The following DTNB variants were observed in gnomAD, a reference collection of about 807,000 sequenced individuals.
DTNB encodes the protein dystrobrevin beta.
DTNB carries 63 observed loss-of-function variants against 90.7 expected under a neutral mutation model. That is an observed-to-expected ratio of 0.69 (90% CI 0.57 to 0.86). The LOEUF (loss-of-function observed/expected upper bound fraction) is 0.86, where lower values mean the gene tolerates loss of function less well. DTNB is among the 40% of genes least tolerant of loss of function. The pLI is 0.00. For missense variants in DTNB, 744 were observed against 807.1 expected, an observed-to-expected ratio of 0.92 and a Z score of 0.95; for synonymous variants, 277 against 286.7, an observed-to-expected ratio of 0.97 and a Z score of 0.34.
intron 2 of DTNB, among the ~76,000 whole-genome samples, chr2:25,648,692 T>C (rs1198444023): frequency 2.0e-5 from 3 of 152,132 alleles, no homozygotes; most frequent in Admixed American, 6.5e-5. Context: ...CCTAAAATAT[T>C]TACTTTCTGG....
intron 9 of DTNB, among the ~76,000 whole-genome samples, chr2:25,499,786 C>A (rs2070018779): frequency 6.6e-6 from 1 of 152,220 alleles, no homozygotes; most frequent in Admixed American, 6.5e-5. Flanking sequence ...ATTGCATTCA[C>A]AATGTGTACT....
chr2:25,580,989 C>T (rs367758358), intron 6 of DTNB, among the ~76,000 whole-genome samples, 163 bp from the exon 7 acceptor site: 3 of 152,186 alleles, frequency 2.0e-5, no homozygotes, highest in African/African-American at 7.2e-5. Flanking sequence ...ACATGCTGTA[C>T]TTTACACTAC....
At chr2:25,485,642 A>G (rs2065958602) in intron 9 of DTNB, among the ~76,000 whole-genome samples, 1 of 152,192 alleles carries the variant, frequency 6.6e-6, no homozygotes, top group Admixed American at 6.5e-5. Flanking sequence ...TTTGCTAGAA[A>G]GACAGGTATA....
intron 16 of DTNB, among the ~76,000 whole-genome samples, chr2:25,389,487 G>A (rs1305540278): frequency 1.3e-5 from 2 of 152,218 alleles, no homozygotes; most frequent in African/African-American, 4.8e-5. Flanking sequence ...GTATAGTTGT[G>A]GAGAAAGTTT....
intron 6 of DTNB, among the ~76,000 whole-genome samples, chr2:25,581,108 T>G (rs1292641104): frequency 3.3e-5 from 5 of 151,952 alleles, no homozygotes. Context: ...GATAAGCAAA[T>G]AAACCATTTA....
intron 16 of DTNB, among the ~76,000 whole-genome samples, chr2:25,395,960 C>T (rs1332748436): frequency 3.9e-5 from 6 of 152,166 alleles, no homozygotes; most frequent in Non-Finnish European, 7.4e-5. Context: ...TATTCCCTCC[C>T]TCCCTCCTGA....
intron 8 of DTNB, among the ~76,000 whole-genome samples, chr2:25,540,773 G>GCGGAAGGCC (rs2081046112): frequency 6.6e-6 from 1 of 152,092 alleles, no homozygotes; most frequent in Non-Finnish European, 1.5e-5. Context: ...AACATATGCT[G>GCGGAAGGCC]TGTCCACTCA....
intron 8 of DTNB, among the ~76,000 whole-genome samples, chr2:25,541,589 C>A (rs1018081187): frequency 6.6e-6 from 1 of 152,136 alleles, no homozygotes; most frequent in African/African-American, 2.4e-5. Flanking sequence ...ATCTCAGGAA[C>A]GCTTCATCTC....
intron 8 of DTNB, among the ~76,000 whole-genome samples, chr2:25,563,531 G>A (rs2058560537): frequency 6.6e-6 from 1 of 152,126 alleles, no homozygotes; most frequent in African/African-American, 2.4e-5. Flanking sequence ...CTAACTCAAG[G>A]TCATAAAGAC....
intron 14 of DTNB, among the ~76,000 whole-genome samples, chr2:25,429,650 G>A (rs2053184885): frequency 6.6e-6 from 1 of 152,114 alleles, no homozygotes; most frequent in Non-Finnish European, 1.5e-5. Flanking sequence ...TTGAGGTCAG[G>A]GGATGGGCCT....
chr2:25,583,527 T>C (rs1384822709), intron 6 of DTNB, among the ~76,000 whole-genome samples: 1 of 151,902 alleles, frequency 6.6e-6, no homozygotes, highest in African/African-American at 2.4e-5. Context: ...TTTGTTGTTG[T>C]TGTTTTTTGA....
rs545971266 is a variant in DTNB, at chr2:25,419,501, C to T, written c.1575+14G>A. ...GGAGCGAGAGTCCGGCGGGAAATTCCGAAGTTCACTTACTGCCTGCTTTTG... is the reference window on the plus strand; with the variant it reads ...GGAGCGAGAGTCCGGCGGGAAATTCTGAAGTTCACTTACTGCCTGCTTTTG... On this transcript the variant is annotated intron_variant, in intron 16 of 20. Transcript: ENST00000406818. The T allele has an allele frequency of 1.4e-5, 22 of 1,558,548 alleles. No homozygotes were observed. Among genetic ancestry groups the T allele is most frequent in the African/African-American group, 8.2e-5 (6 of 73,360 alleles).
intron 5 of DTNB, among the ~76,000 whole-genome samples, chr2:25,602,620 T>C (rs1328365316): frequency 1.3e-5 from 2 of 152,206 alleles, no homozygotes; most frequent in East Asian, 1.9e-4. Flanking sequence ...TCAGTAGGAA[T>C]AGTCAATTCT....
At chr2:25,406,697 A>C (rs2045286945) in intron 16 of DTNB, among the ~76,000 whole-genome samples, 1 of 152,210 alleles carries the variant, frequency 6.6e-6, no homozygotes, top group Non-Finnish European at 1.5e-5. Flanking sequence ...GCTGAGAATG[A>C]GAAGGATGGC....
At chr2:25,398,856 C>CT (rs1314792273) in intron 16 of DTNB, among the ~76,000 whole-genome samples, 3 of 152,188 alleles carry the variant, frequency 2.0e-5, no homozygotes, top group Non-Finnish European at 4.4e-5. Flanking sequence ...CATCACAGCA[C>CT]TATCTCACTT....
intron 6 of DTNB, among the ~76,000 whole-genome samples, chr2:25,589,906 G>GGCGA (rs2063227253): frequency 2.0e-5 from 3 of 152,306 alleles, no homozygotes; most frequent in South Asian, 4.1e-4. Context: ...GCCTACCAAG[G>GGCGA]GCGAGCCATG....
chr2:25,548,138 G>A (rs923507279), intron 8 of DTNB, among the ~76,000 whole-genome samples: 2 of 151,728 alleles, frequency 1.3e-5, no homozygotes, highest in Admixed American at 1.3e-4. Flanking sequence ...TAATTTTTAG[G>A]TTCATTTTTA....
intron 9 of DTNB, among the ~76,000 whole-genome samples, chr2:25,526,248 CA>C (rs1178802030): frequency 2.0e-5 from 3 of 151,128 alleles, no homozygotes; most frequent in African/African-American, 7.3e-5. Flanking sequence ...GGAAACATGC[CA>C]TACACTGTGG....
intron 9 of DTNB, among the ~76,000 whole-genome samples, chr2:25,494,067 C>T (rs989510471): frequency 6.6e-6 from 1 of 152,128 alleles, no homozygotes; most frequent in Non-Finnish European, 1.5e-5. Context: ...TTTACTTTTG[C>T]AGCATTGGGG....
Sources: gnomAD v4.1 joint callset for allele counts (sites outside exome capture counted in the v4.1 genomes callset) on GRCh38, gnomAD v4.1.1 for gene constraint, MANE v1.5 for transcripts, NCBI Gene and HGNC (gene_info 2026-07-23, HGNC 2026-07-21) for gene names.